PRKG1: variants seen among roughly 807,000 people sequenced by gnomAD.
PRKG1 encodes protein kinase cGMP-dependent 1.
PRKG1 carries 35 observed loss-of-function variants against 88.1 expected under a neutral mutation model. The observed-to-expected ratio is 0.40, with a 90% confidence interval of 0.30 to 0.53. The LOEUF is 0.53. Among genes scored for constraint, PRKG1 ranks in the 20% least tolerant of loss-of-function variants. PRKG1 has a pLI of 0.59. For synonymous variants in PRKG1, 303 were observed against 292.5 expected (o/e 1.04, Z -0.37); for missense variants, 540 against 839.8 (o/e 0.64, Z 4.41).
At chr10:51,245,930 T>G (rs2132132254) in intron 2 of PRKG1, 1 of 152,030 alleles carries the variant, frequency 6.6e-6, no homozygotes, top group East Asian at 1.9e-4. Context: ...AAGCTAGGAG[T>G]TATACTTAGA....
At chr10:51,213,842 T>A (rs893850371) in intron 2 of PRKG1, among the ~76,000 whole-genome samples, 9 of 152,232 alleles carry the variant, frequency 5.9e-5, no homozygotes, top group African/African-American at 2.2e-4. Context: ...AAAGAATATG[T>A]TACAGAATGG....
intron 17 of PRKG1, among the ~76,000 whole-genome samples, chr10:52,292,454 G>A (rs528492188): frequency 0.13 from 19,634 of 151,200 alleles, 2,110 homozygotes; most frequent in African/African-American, 0.32. Context: ...GTGTAAGGAA[G>A]GGATCCAGTT....
intron 3 of PRKG1, among the ~76,000 whole-genome samples, chr10:51,587,235 CAAT>C (rs1179302825): frequency 3.9e-5 from 6 of 152,002 alleles, no homozygotes; most frequent in African/African-American, 1.4e-4. Flanking sequence ...GAGAAAATAA[CAAT>C]AATATTAATA....
intron 5 of PRKG1, among the ~76,000 whole-genome samples, chr10:51,943,495 A>G (rs1163423555): frequency 2.6e-5 from 4 of 152,046 alleles, no homozygotes; most frequent in Admixed American, 6.5e-5. Context: ...ACTATGTTGA[A>G]TGGGAGTGGT....
intron 4 of PRKG1, among the ~76,000 whole-genome samples, chr10:51,883,712 G>A (rs533827016): frequency 6.6e-6 from 1 of 152,254 alleles, no homozygotes; most frequent in South Asian, 2.1e-4. Flanking sequence ...AAAGAAAATT[G>A]GCAGCATGTT....
chr10:51,846,636 T>C (rs960176390), intron 4 of PRKG1, among the ~76,000 whole-genome samples: 5 of 152,176 alleles, frequency 3.3e-5, no homozygotes, highest in African/African-American at 1.2e-4. Flanking sequence ...TCAAGGAACA[T>C]GATAGCTTGT....
intron 9 of PRKG1, among the ~76,000 whole-genome samples, chr10:52,239,466 C>T (rs1344451532): frequency 2.5e-5 from 2 of 80,330 alleles, no homozygotes; most frequent in African/African-American, 9.5e-5. Flanking sequence ...AAGGGAAAGC[C>T]AATAAAATAT....
chr10:51,490,668 G>A (rs1435468098), intron 3 of PRKG1, among the ~76,000 whole-genome samples: 1 of 152,074 alleles, frequency 6.6e-6, no homozygotes, highest in Non-Finnish European at 1.5e-5. Flanking sequence ...GAGAAATACT[G>A]TCCGTTTTTC....
chr10:51,055,678 C>G (rs1045143177), intron 1 of PRKG1, among the ~76,000 whole-genome samples: 1 of 151,856 alleles, frequency 6.6e-6, no homozygotes, highest in African/African-American at 2.4e-5. Flanking sequence ...GCAGAGCTTG[C>G]AGTGAGGGGA....
At chr10:51,115,741 G>A (rs1471415106) in intron 1 of PRKG1, among the ~76,000 whole-genome samples, 1 of 151,792 alleles carries the variant, frequency 6.6e-6, no homozygotes, top group African/African-American at 2.4e-5. Context: ...GGACGCTGAG[G>A]GGGGAGAATT....
chr10:52,106,557 T>A (rs1370617934), intron 7 of PRKG1, among the ~76,000 whole-genome samples: 1 of 151,886 alleles, frequency 6.6e-6, no homozygotes, highest in African/African-American at 2.4e-5. Context: ...GGTTTTGTCC[T>A]CCAGTGACAC....
At position 51,803,078 on chromosome 10, in the gene PRKG1, G is replaced by A. The variant is rs139874988; in HGVS notation, c.593-1507G>A. Among the ~76,000 whole-genome samples, 36 of 152,088 alleles carry A rather than the reference G, an allele frequency of 2.4e-4. No homozygotes were observed. The East Asian group carries it at 4.1e-3, about 17-fold the overall frequency. Reference sequence around the variant, plus strand: ...TCCCACTTCCTGTTCCAACTCTTAGGAATCCTCTCCTGATTTCCCAAGTTC... The same window carrying A: ...TCCCACTTCCTGTTCCAACTCTTAGAAATCCTCTCCTGATTTCCCAAGTTC... On this transcript the variant is annotated intron_variant, in intron 3 of 17. Coordinates refer to ENST00000373980, the MANE Select transcript of PRKG1 (RefSeq NM_006258.4).
chr10:51,998,821 G>T (rs1234438860), intron 5 of PRKG1, among the ~76,000 whole-genome samples: 1 of 152,048 alleles, frequency 6.6e-6, no homozygotes, highest in Non-Finnish European at 1.5e-5. Context: ...CTTCCCTTTA[G>T]ATTATTCTCA....
Position 52,282,153 on chromosome 10 carries a change from G to A in PRKG1, c.1546G>A (p.Val516Ile). The A allele has an allele frequency of 1.3e-6, 2 of 1,593,586 alleles. No individual in the cohort carries two copies. The highest frequency in any genetic ancestry group is 2.2e-5 in the East Asian group (1 of 44,646). Reference protein sequence around the residue: ...ILDHRGYAKLVDFGFAKKIGF... With the variant: ...ILDHRGYAKLIDFGFAKKIGF... ...TATCTTGTTTTTCTCTCTTTGTAAG[G>A]TTGATTTTGGCTTTGCAAAGAAAAT... The change falls in exon 14 of 18, where the codon GTT (valine) becomes ATT (isoleucine). Residue 516 changes from valine (V) to isoleucine (I), a missense_variant and splice_region_variant. By Grantham distance (29) the Val-to-Ile change is conservative. This residue lies in a region of PRKG1 where 97 missense variants were observed against 210.6 expected (regional missense o/e 0.46). Transcript: ENST00000373980.
chr10:51,603,772 G>A (rs1838678797), intron 3 of PRKG1, among the ~76,000 whole-genome samples: 1 of 152,206 alleles, frequency 6.6e-6, no homozygotes, highest in South Asian at 2.1e-4. Flanking sequence ...ATTTCAGACT[G>A]TGACCAGGTA....
At chr10:51,551,528 A>G (rs747903431) in intron 3 of PRKG1, among the ~76,000 whole-genome samples, 2 of 151,766 alleles carry the variant, frequency 1.3e-5, no homozygotes, top group Non-Finnish European at 3.0e-5. Context: ...AATACAGTAT[A>G]TGTGTTTGTA....
intron 9 of PRKG1, among the ~76,000 whole-genome samples, chr10:52,190,084 C>T (rs1353044960): frequency 6.6e-6 from 1 of 152,102 alleles, no homozygotes; most frequent in Non-Finnish European, 1.5e-5. Flanking sequence ...AACCAGAAAG[C>T]TCAAATAGTC....
chr10:51,360,106 A>G (rs1338547843), intron 2 of PRKG1, among the ~76,000 whole-genome samples: 1 of 151,958 alleles, frequency 6.6e-6, no homozygotes, highest in Non-Finnish European at 1.5e-5. Context: ...GATCGTTGAC[A>G]CTTTCCAAGA....
At chr10:51,041,105 C>A (rs897020170) in intron 1 of PRKG1, among the ~76,000 whole-genome samples, 4 of 152,032 alleles carry the variant, frequency 2.6e-5, no homozygotes, top group African/African-American at 9.7e-5. Flanking sequence ...GCCACCACCA[C>A]CCCACGCCTG....
Sources: gnomAD v4.1 joint callset for allele counts (sites outside exome capture counted in the v4.1 genomes callset) on GRCh38, gnomAD v4.1.1 for gene constraint, gnomAD v4.1.1 regional missense constraint, MANE v1.5 for transcripts, NCBI Gene and HGNC (gene_info 2026-07-23, HGNC 2026-07-21) for gene names.